Variants in SYT10 observed in about 807,000 individuals in gnomAD.
SYT10 encodes the protein synaptotagmin-10.
SYT10 carries 31 observed loss-of-function variants against 51.1 expected under a neutral mutation model. The ratio of observed to expected loss-of-function variants is 0.61; its 90% CI spans 0.46 to 0.82. The LOEUF (loss-of-function observed/expected upper bound fraction) is 0.82. SYT10 is among the 40% of genes least tolerant of loss of function. The pLI, the probability that SYT10 is intolerant of heterozygous loss-of-function variation, is 0.00. For missense variants in SYT10, 603 were observed against 634.0 expected (o/e 0.95, Z 0.53); for synonymous variants, 233 against 225.9 (o/e 1.03, Z -0.28).
At chr12:33,412,444 T>G (rs1432608522) in intron 2 of SYT10, among the ~76,000 whole-genome samples, 1 of 152,042 alleles carries the variant, frequency 6.6e-6, no homozygotes, top group African/African-American at 2.4e-5. Flanking sequence ...CAGTGATTAG[T>G]GGCTATATAG....
chr12:33,414,216 C>T (rs923410456), intron 2 of SYT10, among the ~76,000 whole-genome samples: 5 of 152,148 alleles, frequency 3.3e-5, no homozygotes, highest in African/African-American at 1.2e-4. Flanking sequence ...GAGACTTAGA[C>T]TCCCCCACAA....
chr12:33,383,703 G>A (rs553597355), intron 4 of SYT10, among the ~76,000 whole-genome samples: 9 of 152,196 alleles, frequency 5.9e-5, no homozygotes, highest in Admixed American at 2.6e-4. Context: ...TGTAATTCCC[G>A]TCACGTCTCT....
chr12:33,427,086 T>G (rs1423220248), intron 1 of SYT10, among the ~76,000 whole-genome samples: 6 of 152,190 alleles, frequency 3.9e-5, no homozygotes, highest in Non-Finnish European at 8.8e-5. Flanking sequence ...CTAAATTAAT[T>G]AATGAATTGT....
intron 2 of SYT10, among the ~76,000 whole-genome samples, chr12:33,413,520 G>C (rs1256597877): frequency 6.6e-6 from 1 of 152,142 alleles, no homozygotes; most frequent in Admixed American, 6.5e-5. Flanking sequence ...GAGAGTGGGG[G>C]CCAATATTCA....
chr12:33,382,046 T>C (rs748566438), intron 5 of SYT10, among the ~76,000 whole-genome samples: 8 of 152,184 alleles, frequency 5.3e-5, no homozygotes, highest in Non-Finnish European at 1.2e-4. Context: ...ACAAATTCTG[T>C]TGATTGTAAT....
intron 2 of SYT10, among the ~76,000 whole-genome samples, chr12:33,408,798 C>T (rs530325256): frequency 1.3e-5 from 2 of 149,448 alleles, no homozygotes; most frequent in African/African-American, 2.6e-5. Context: ...GGTTCTTTAT[C>T]CCACAATCTC....
chr12:33,435,881 A>G (rs1866633956), intron 1 of SYT10, among the ~76,000 whole-genome samples: 1 of 152,136 alleles, frequency 6.6e-6, no homozygotes, highest in Non-Finnish European at 1.5e-5. Flanking sequence ...TTTTATCCCT[A>G]CCTCTAAGAA....
intron 3 of SYT10, among the ~76,000 whole-genome samples, chr12:33,394,659 A>G (rs1400006582): frequency 1.3e-5 from 2 of 152,268 alleles, no homozygotes; most frequent in African/African-American, 2.4e-5. Flanking sequence ...GGATGAAGAA[A>G]TAATTTCAGA....
At chr12:33,383,476 T>C (rs758481397) in intron 4 of SYT10, among the ~76,000 whole-genome samples, 12 of 152,138 alleles carry the variant, frequency 7.9e-5, no homozygotes, top group Non-Finnish European at 1.5e-4. Context: ...AGTATTCCCA[T>C]CAAGAAGCAA....
At chr12:33,378,495 T>C (rs1021537959) in intron 6 of SYT10, among the ~76,000 whole-genome samples, 4 of 152,306 alleles carry the variant, frequency 2.6e-5, no homozygotes, top group Non-Finnish European at 5.9e-5. Flanking sequence ...AGAAGTGTAG[T>C]TGGAGACGTA....
intron 5 of SYT10, among the ~76,000 whole-genome samples, chr12:33,380,253 C>T (rs1017800641): frequency 3.3e-5 from 5 of 152,102 alleles, no homozygotes; most frequent in Non-Finnish European, 7.4e-5. Flanking sequence ...ACCAGTAGGT[C>T]TTTACCTATA....
At chr12:33,430,137 C>T (rs1866584785) in intron 1 of SYT10, among the ~76,000 whole-genome samples, 1 of 152,192 alleles carries the variant, frequency 6.6e-6, no homozygotes, top group Non-Finnish European at 1.5e-5. Context: ...ATTGCTCGAA[C>T]TCTGGTTTGA....
chr12:33,414,472 A>G (rs1866436463), intron 2 of SYT10, among the ~76,000 whole-genome samples: 1 of 152,208 alleles, frequency 6.6e-6, no homozygotes. Context: ...AAATTATCAC[A>G]AACTGTCTCT....
chr12:33,407,112 T>C lies in SYT10; in HGVS notation c.754A>G (p.Ile252Val), dbSNP rs867683225. The C allele has an allele frequency of 6.2e-7, 1 of 1,613,650 alleles. No individual in the cohort carries two copies. The highest frequency in any genetic ancestry group is 1.3e-5 in the African/African-American group (1 of 74,950). ...DYENELLVVK[I>V]IKALDLPAKD... ...GCAGGGAGATCTAAAGCTTTGATAATTTTAACAACTAGAAGTTCATTTTCA... is the reference window on the plus strand; with the variant it reads ...GCAGGGAGATCTAAAGCTTTGATAACTTTAACAACTAGAAGTTCATTTTCA... Residue 252 changes from isoleucine (I) to valine (V), a missense_variant, in exon 3 of 7, where the codon ATT becomes GTT. Ile to Val is a conservative substitution (Grantham distance 29, BLOSUM62 3). Transcript: ENST00000228567.
At position 33,378,814 on chromosome 12, in the gene SYT10, C is replaced by CTGTGTGTGTGTG. The variant is rs56373564; in HGVS notation, c.1500+1006_1500+1017dup. On this transcript the variant is annotated intron_variant, in intron 6 of 6. Coordinates refer to ENST00000228567, the MANE Select transcript of SYT10 (RefSeq NM_198992.4). ...GGGAAAACACCAAGTGACTGGGTAT[C>CTGTGTGTGTGTG]TGTGTGTGTGTGTGTGTGTGTGTGT... 1.5e-3 allele frequency among the ~76,000 whole-genome samples: 218 copies of CTGTGTGTGTGTG among 145,282 alleles called. 1 individual carries two copies. Among genetic ancestry groups the CTGTGTGTGTGTG allele is most frequent in the African/African-American group, 5.2e-3 (208 of 40,238 alleles).
At chr12:33,423,919 G>A (rs765941831) in intron 2 of SYT10, 15 of 455,610 alleles carry the variant, frequency 3.3e-5, no homozygotes, top group South Asian at 2.3e-4. Context: ...CTTCATGCAG[G>A]TTGGTGAAGG....
At chr12:33,403,234 T>C (rs1384044888) in intron 3 of SYT10, among the ~76,000 whole-genome samples, 1 of 22,890 alleles carries the variant, frequency 4.4e-5, no homozygotes, top group Non-Finnish European at 6.7e-5. Flanking sequence ...TCTGATAGTC[T>C]TTTTTTTTTT....
At chr12:33,426,050 T>C in intron 2 of SYT10, 88 bp downstream of exon 2, 1 of 1,357,152 alleles carries the variant, frequency 7.4e-7, no homozygotes, top group Non-Finnish European at 9.9e-7. Context: ...AGTTTTTCTC[T>C]CTTATGAAAT....
chr12:33,413,875 A>G (rs1035604973), intron 2 of SYT10, among the ~76,000 whole-genome samples: 5 of 152,214 alleles, frequency 3.3e-5, no homozygotes, highest in African/African-American at 7.2e-5. Context: ...TCCAATTAAA[A>G]GACACAGACT....
Sources: gnomAD v4.1 joint callset for allele counts (sites outside exome capture counted in the v4.1 genomes callset) on GRCh38, gnomAD v4.1.1 for gene constraint, MANE v1.5 for transcripts, NCBI Gene and HGNC (gene_info 2026-07-23, HGNC 2026-07-21) for gene names.